GRID2: variants seen among roughly 807,000 people sequenced by gnomAD.
GRID2 encodes the protein glutamate receptor ionotropic, delta-2.
In GRID2, 33 loss-of-function variants were observed where a neutral mutation model predicts 114.8. The observed-to-expected ratio is 0.29, with a 90% CI of 0.22 to 0.38. The LOEUF (loss-of-function observed/expected upper bound fraction) is 0.38, where lower values mean the gene tolerates loss of function less well. GRID2 is among the 10% of genes least tolerant of loss of function. The probability of loss-of-function intolerance (pLI) is 1.00; values close to 1 mark genes in which losing one functional copy is unlikely to be tolerated. For synonymous variants in GRID2, 505 were observed against 449.9 expected (o/e 1.12, Z -1.55); for missense variants, 1,184 against 1,257.7 (o/e 0.94, Z 0.89).
At chr4:93,746,394 T>C (rs775031884) in intron 14 of GRID2, among the ~76,000 whole-genome samples, 1 of 152,148 alleles carries the variant, frequency 6.6e-6, no homozygotes, top group Non-Finnish European at 1.5e-5. Flanking sequence ...TCTTATTTCA[T>C]GGTACCCTAG....
intron 2 of GRID2, among the ~76,000 whole-genome samples, chr4:92,861,308 C>T (rs986721499): frequency 6.6e-5 from 10 of 152,046 alleles, no homozygotes; most frequent in African/African-American, 1.2e-4. Flanking sequence ...ATCTCCCTAT[C>T]GAAAAGTCAC....
At chr4:92,546,756 C>G (rs1726283628) in intron 1 of GRID2, among the ~76,000 whole-genome samples, 1 of 152,140 alleles carries the variant, frequency 6.6e-6, no homozygotes, top group African/African-American at 2.4e-5. Flanking sequence ...GATTCCTAGT[C>G]TTACTATTAT....
At chr4:93,076,183 C>A (rs562486612) in intron 2 of GRID2, among the ~76,000 whole-genome samples, 1 of 152,058 alleles carries the variant, frequency 6.6e-6, no homozygotes, top group African/African-American at 2.4e-5. Context: ...CAGGCGTGAG[C>A]AACTATCTCT....
chr4:93,516,777 A>C (rs1475254139), intron 13 of GRID2, among the ~76,000 whole-genome samples: 1 of 152,116 alleles, frequency 6.6e-6, no homozygotes, highest in Non-Finnish European at 1.5e-5. Flanking sequence ...TGTTCAGAAT[A>C]AGTATACACT....
chr4:92,655,632 A>T (rs779034239), intron 2 of GRID2, among the ~76,000 whole-genome samples: 1 of 150,748 alleles, frequency 6.6e-6, no homozygotes, highest in Non-Finnish European at 1.5e-5. Flanking sequence ...TTTTTTTTGT[A>T]GCCACTCTAA....
At chr4:93,493,145 G>T (rs2149462978) in intron 12 of GRID2, among the ~76,000 whole-genome samples, 1 of 151,842 alleles carries the variant, frequency 6.6e-6, no homozygotes, top group South Asian at 2.1e-4. Flanking sequence ...CAATTATGTT[G>T]AATGTGTCAC....
intron 4 of GRID2, among the ~76,000 whole-genome samples, chr4:93,129,269 G>A (rs1488402154): frequency 6.6e-6 from 1 of 152,084 alleles, no homozygotes; most frequent in Non-Finnish European, 1.5e-5. Context: ...AGACATGTTT[G>A]TTGTTGAAAA....
intron 2 of GRID2, among the ~76,000 whole-genome samples, chr4:92,669,829 G>T (rs148485264): frequency 6.6e-6 from 1 of 151,710 alleles, no homozygotes; most frequent in African/African-American, 2.4e-5. Context: ...AAATCTTATC[G>T]TAAGCCAAGC....
At chr4:93,649,233 C>T (rs1222154507) in intron 14 of GRID2, among the ~76,000 whole-genome samples, 2 of 152,074 alleles carry the variant, frequency 1.3e-5, no homozygotes, top group Non-Finnish European at 2.9e-5. Context: ...TATTGATCAA[C>T]TCATTTCTCT....
At chr4:92,800,952 G>GT (rs907980199) in intron 2 of GRID2, among the ~76,000 whole-genome samples, 15 of 151,884 alleles carry the variant, frequency 9.9e-5, no homozygotes, top group Non-Finnish European at 1.9e-4. Context: ...TTAAGCCTCC[G>GT]TTTTTTCATC....
intron 2 of GRID2, among the ~76,000 whole-genome samples, chr4:92,889,493 T>A (rs1419421384): frequency 6.6e-6 from 1 of 152,028 alleles, no homozygotes; most frequent in South Asian, 2.1e-4. Flanking sequence ...AAACAGAAAG[T>A]CAAATCATGA....
intron 3 of GRID2, among the ~76,000 whole-genome samples, chr4:93,086,707 A>T (rs976597205): frequency 6.6e-6 from 1 of 152,208 alleles, no homozygotes; most frequent in Non-Finnish European, 1.5e-5. Flanking sequence ...TGAATAAAAT[A>T]AACAAAAAGG....
chr4:92,356,361 C>CTA (rs965294110), intron 1 of GRID2, among the ~76,000 whole-genome samples: 17 of 151,190 alleles, frequency 1.1e-4, no homozygotes, highest in Admixed American at 8.6e-4. Context: ...TTGCCTTTAG[C>CTA]TATATATTTA....
intron 2 of GRID2, among the ~76,000 whole-genome samples, chr4:92,961,327 C>G (rs899562361): frequency 2.7e-5 from 4 of 149,086 alleles, no homozygotes; most frequent in African/African-American, 9.8e-5. Context: ...CTCTGAAGTT[C>G]TTCTTTTGGG....
intron 4 of GRID2, among the ~76,000 whole-genome samples, chr4:93,140,560 C>A (rs1260672860): frequency 6.6e-6 from 1 of 152,210 alleles, no homozygotes; most frequent in Non-Finnish European, 1.5e-5. Context: ...TACAGTACCC[C>A]TTACCTCACG....
rs191100542 is a variant in GRID2, at chr4:93,508,113, A to T, written c.1998-7103A>T. On this transcript the variant is annotated intron_variant, in intron 12 of 15. Coordinates refer to ENST00000282020, the MANE Select transcript of GRID2 (RefSeq NM_001510.4). ...CATGGCACATGTATACATATGTAAC[A>T]AACCTGCACGTTGTGCACATGTACC... Among the ~76,000 whole-genome samples the T allele has an allele frequency of 5.5e-4, 83 of 152,202 alleles. 2 individuals carry two copies. The East Asian group carries it at 0.011, about 20-fold the overall frequency.
At chr4:93,433,012 G>A (rs1769568410) in intron 10 of GRID2, among the ~76,000 whole-genome samples, 1 of 152,144 alleles carries the variant, frequency 6.6e-6, no homozygotes. Context: ...TGAGGCTGCA[G>A]TGAGCTGTGA....
At chr4:93,145,467 A>ATT (rs1448182187) in intron 4 of GRID2, among the ~76,000 whole-genome samples, 22 of 100,982 alleles carry the variant, frequency 2.2e-4, no homozygotes, top group African/African-American at 2.8e-4. Flanking sequence ...TTATTTATTT[A>ATT]TTTATTTTTT....
rs112431638 is a variant in GRID2 at position 92,442,457 on chromosome 4, C to T, written c.88+137713C>T. On this transcript the variant is annotated intron_variant, in intron 1 of 15. Transcript: ENST00000282020. Reference sequence around the variant, plus strand: ...CCTTGGGGAGGAGGTTCTGGAGGAACGCCTGGCCGCTGCGGTTCAGGCGTT... The same window carrying T: ...CCTTGGGGAGGAGGTTCTGGAGGAATGCCTGGCCGCTGCGGTTCAGGCGTT... Among the ~76,000 whole-genome samples, 94 of 151,834 alleles carry T rather than the reference C, an allele frequency of 6.2e-4. 1 individual carries two copies. The South Asian group carries it at 0.015, about 24-fold the overall frequency.
Sources: allele counts gnomAD v4.1 joint callset (sites outside exome capture counted in the v4.1 genomes callset), GRCh38; gene constraint gnomAD v4.1.1; transcripts MANE v1.5; gene names NCBI Gene and HGNC (gene_info 2026-07-23, HGNC 2026-07-21).